The following MAL2 variants were observed in gnomAD, a reference collection of about 807,000 sequenced individuals.
MAL2 encodes mal, T cell differentiation protein 2.
Under a neutral mutation model 18.1 loss-of-function variants are expected in MAL2, and 17 were observed. The ratio of observed to expected loss-of-function variants is 0.94; its 90% CI spans 0.64 to 1.41. MAL2 has a LOEUF of 1.41. MAL2 is among the 40% of genes most tolerant of loss of function. The probability of loss-of-function intolerance (pLI) is 0.00; values close to 1 mark genes in which losing one functional copy is unlikely to be tolerated. For synonymous variants in MAL2, 102 were observed against 102.3 expected (o/e 1.00, Z 0.02); for missense variants, 222 against 231.9 (o/e 0.96, Z 0.28).
At chr8:119,240,122 A>T (rs760848118) in intron 2 of MAL2, 43 bp from the exon 3 acceptor site, 1 of 1,582,610 alleles carries the variant, frequency 6.3e-7, no homozygotes, top group South Asian at 1.1e-5. Flanking sequence ...GAACAGAAAA[A>T]TATTTTTTTT....
intron 2 of MAL2, among the ~76,000 whole-genome samples, chr8:119,225,427 A>C (rs1393925837): frequency 2.0e-5 from 3 of 152,180 alleles, no homozygotes; most frequent in Non-Finnish European, 4.4e-5. Context: ...TTCCAGCTTC[A>C]TCCATGTCCA....
At chr8:119,231,478 A>G (rs1338005249) in intron 2 of MAL2, among the ~76,000 whole-genome samples, 2 of 152,176 alleles carry the variant, frequency 1.3e-5, no homozygotes, top group Non-Finnish European at 2.9e-5. Flanking sequence ...TTCAAAGGGA[A>G]CCCTTGCACA....
chr8:119,226,297 T>C (rs1347318715), intron 2 of MAL2, among the ~76,000 whole-genome samples: 1 of 152,012 alleles, frequency 6.6e-6, no homozygotes, highest in Non-Finnish European at 1.5e-5. Flanking sequence ...CTTCAATCCA[T>C]CTTGAATTAA....
chr8:119,237,955 G>A (rs1312974258), intron 2 of MAL2, among the ~76,000 whole-genome samples: 1 of 152,060 alleles, frequency 6.6e-6, no homozygotes, highest in Non-Finnish European at 1.5e-5. Flanking sequence ...CAGGCAGAAG[G>A]AAATAAAAGG....
chr8:119,218,439 C>T (rs1426865706), intron 1 of MAL2, among the ~76,000 whole-genome samples: 4 of 152,160 alleles, frequency 2.6e-5, no homozygotes, highest in Admixed American at 2.0e-4. Context: ...AAAGCTTACT[C>T]TGAAGCCTGC....
At chr8:119,226,420 T>TA (rs1177229549) in intron 2 of MAL2, among the ~76,000 whole-genome samples, 1 of 147,324 alleles carries the variant, frequency 6.8e-6, no homozygotes, top group Non-Finnish European at 1.5e-5. Flanking sequence ...TTTTTTTTTT[T>TA]AACTAGTAGA....
chr8:119,234,197 C>T (rs370767667), intron 2 of MAL2, among the ~76,000 whole-genome samples: 2,288 of 152,240 alleles, frequency 0.015, 61 homozygotes, highest in African/African-American at 0.053. Context: ...AAAGGGGTGA[C>T]GGACGCACCG....
At chr8:119,231,223 A>C (rs996498053) in intron 2 of MAL2, among the ~76,000 whole-genome samples, 1 of 152,062 alleles carries the variant, frequency 6.6e-6, no homozygotes, top group African/African-American at 2.4e-5. Context: ...TAGTAGAGAC[A>C]GGGTTTCACT....
At chr8:119,233,354 C>G (rs944164715) in intron 2 of MAL2, among the ~76,000 whole-genome samples, 16 of 152,030 alleles carry the variant, frequency 1.1e-4, no homozygotes, top group Non-Finnish European at 2.2e-4. Context: ...AATAGAGACA[C>G]AAAAAACCCT....
intron 1 of MAL2, among the ~76,000 whole-genome samples, chr8:119,219,081 GT>G (rs1420369890): frequency 6.6e-6 from 1 of 152,272 alleles, no homozygotes; most frequent in African/African-American, 2.4e-5. Flanking sequence ...TTAGGAACAA[GT>G]TTTTTCTTTT....
At chr8:119,213,754 G>A in intron 1 of MAL2, among the ~76,000 whole-genome samples, 1 of 152,146 alleles carries the variant, frequency 6.6e-6, no homozygotes, top group East Asian at 1.9e-4. Context: ...GGGAGGCAGA[G>A]TTGCAGTGAG....
chr8:119,239,119 T>C (rs1385642713), intron 2 of MAL2, among the ~76,000 whole-genome samples: 1 of 151,726 alleles, frequency 6.6e-6, no homozygotes, highest in Non-Finnish European at 1.5e-5. Context: ...GTGAAGGATA[T>C]GAACAGACAC....
At chr8:119,225,183 A>G (rs1378328105) in intron 2 of MAL2, among the ~76,000 whole-genome samples, 8 of 152,162 alleles carry the variant, frequency 5.3e-5, no homozygotes, top group African/African-American at 1.7e-4. Flanking sequence ...GGTTAGTTAC[A>G]TATGTATACA....
chr8:119,230,440 G>A (rs544921892), intron 2 of MAL2, among the ~76,000 whole-genome samples: 9 of 151,796 alleles, frequency 5.9e-5, no homozygotes, highest in African/African-American at 2.2e-4. Flanking sequence ...TGGCAGGATT[G>A]GGGGGGCGGG....
chr8:119,226,270 A>C (rs1484831215), intron 2 of MAL2, among the ~76,000 whole-genome samples: 1 of 152,018 alleles, frequency 6.6e-6, no homozygotes, highest in Admixed American at 6.6e-5. Context: ...TTATGGTTTT[A>C]GGTCTAACAT....
intron 2 of MAL2, among the ~76,000 whole-genome samples, chr8:119,231,311 C>T (rs1220655119): frequency 3.3e-5 from 5 of 152,204 alleles, no homozygotes; most frequent in African/African-American, 9.6e-5. Flanking sequence ...GGATTACAGG[C>T]GTGAGCCACT....
At chr8:119,234,678 G>A (rs547259730) in intron 2 of MAL2, among the ~76,000 whole-genome samples, 1 of 151,892 alleles carries the variant, frequency 6.6e-6, no homozygotes, top group East Asian at 1.9e-4. Flanking sequence ...CTAACTGGGA[G>A]GCACCCCCCA....
At chr8:119,234,141 A>C (rs987314174) in intron 2 of MAL2, among the ~76,000 whole-genome samples, 96 of 152,362 alleles carry the variant, frequency 6.3e-4, no homozygotes, top group Admixed American at 5.2e-4. Flanking sequence ...GCATTGCCTC[A>C]CTTGGGAAGC....
At chr8:119,233,366 T>TA (rs1305114219) in intron 2 of MAL2, among the ~76,000 whole-genome samples, 2 of 151,860 alleles carry the variant, frequency 1.3e-5, no homozygotes, top group South Asian at 2.1e-4. Flanking sequence ...AAAAACCCTC[T>TA]AAAAAATTAA....
Sources: gnomAD v4.1 joint callset for allele counts (sites outside exome capture counted in the v4.1 genomes callset) on GRCh38, gnomAD v4.1.1 for gene constraint, MANE v1.5 for transcripts, NCBI Gene and HGNC (gene_info 2026-07-23, HGNC 2026-07-21) for gene names.